CHI3L2: variants seen among roughly 807,000 people sequenced by gnomAD.
CHI3L2 encodes the protein chitinase-3-like protein 2.
Under a neutral mutation model 47.3 loss-of-function variants are expected in CHI3L2, and 47 were observed. The ratio of observed to expected loss-of-function variants is 0.99; its 90% CI spans 0.79 to 1.27. The LOEUF (loss-of-function observed/expected upper bound fraction) is 1.27, where lower values mean the gene tolerates loss of function less well. Among genes scored for constraint, CHI3L2 ranks in the 50% most tolerant of loss-of-function variants. CHI3L2 has a pLI of 0.00. For synonymous variants in CHI3L2, 198 were observed against 169.9 expected (o/e 1.17, Z -1.28); for missense variants, 497 against 462.1 (o/e 1.08, Z -0.69).
intron 2 of CHI3L2, 138 bp downstream of exon 2, chr1:111,230,019 C>CT: frequency 1.1e-6 from 1 of 919,264 alleles, no homozygotes; most frequent in Non-Finnish European, 1.7e-6. Flanking sequence ...ATTTATGACA[C>CT]TGAGTTTTTA....
Position 111,241,354 on chromosome 1 carries a change from A to T in CHI3L2, c.946A>T (p.Ile316Phe), listed in dbSNP as rs371014594. The T allele has an allele frequency of 1.9e-6, 3 of 1,599,622 alleles. No homozygotes were observed. In the African/African-American group the frequency reaches 4.0e-5, roughly 21 times the overall value. ...EICQFLKGAKITRLQDQQVPY... is the reference protein window; with the variant it reads ...EICQFLKGAKFTRLQDQQVPY... Reference sequence around the variant, plus strand: ...CTGCCAGTTCCTGAAAGGAGCCAAGATCACGCGGCTCCAGGATCAGCAGGT... The same window carrying T: ...CTGCCAGTTCCTGAAAGGAGCCAAGTTCACGCGGCTCCAGGATCAGCAGGT... The change falls in exon 9 of 11, where the codon ATC becomes TTC. Residue 316 changes from isoleucine to phenylalanine, a missense_variant. Transcript: ENST00000369748.
At chr1:111,240,296 T>A (rs1307285917) in intron 8 of CHI3L2, among the ~76,000 whole-genome samples, 1 of 152,222 alleles carries the variant, frequency 6.6e-6, no homozygotes, top group Non-Finnish European at 1.5e-5. Flanking sequence ...CACATAGGAA[T>A]GATTGGCACA....
At chr1:111,239,669 A>G (rs1659991250) in intron 8 of CHI3L2, among the ~76,000 whole-genome samples, 1 of 152,204 alleles carries the variant, frequency 6.6e-6, no homozygotes, top group Non-Finnish European at 1.5e-5. Flanking sequence ...AATTCTGTGC[A>G]GTTGTCAGAT....
rs767711643 is a variant in CHI3L2 at position 111,236,146 on chromosome 1, A to G, written c.728A>G (p.Tyr243Cys). ...CAGGACAGAGGGCCAAGCTCCTACT[A>G]CAATGTGGTGAGTAGGCCAGGGGAA... is the stretch of plus-strand genomic sequence containing the variant. ...GWQDRGPSSY[Y>C]NVEYAVGYWI... The change falls in exon 7 of 11, where the codon TAC (tyrosine) becomes TGC (cysteine). Residue 243 changes from tyrosine (Y) to cysteine (C), a missense_variant. Tyr to Cys is a radical substitution (Grantham distance 194). Coordinates refer to ENST00000369748, the MANE Select transcript of CHI3L2 (RefSeq NM_004000.3). The G allele has an allele frequency of 1.2e-5, 20 of 1,613,924 alleles. No individual in the cohort carries two copies. The South Asian group carries it at 2.1e-4, about 17-fold the overall frequency.
At chr1:111,240,570 C>G (rs959822319) in intron 8 of CHI3L2, among the ~76,000 whole-genome samples, 2 of 152,192 alleles carry the variant, frequency 1.3e-5, no homozygotes, top group African/African-American at 4.8e-5. Context: ...CATAATGACT[C>G]TAGGTCATTA....
Position 111,236,014 on chromosome 1 carries a change from G to A in CHI3L2, c.606-10G>A. The A allele has an allele frequency of 6.2e-7, 1 of 1,613,364 alleles. No homozygotes were observed. Among genetic ancestry groups the A allele is most frequent in the South Asian group, 1.1e-5 (1 of 90,900 alleles). The stretch of plus-strand genomic sequence containing the variant: ...TCACAAAATCTCTCCCATTGCTTTT[G>A]GCACTTTAGAGATCTGGATTTCATC... On this transcript the variant is annotated splice_polypyrimidine_tract_variant and intron_variant, in intron 6 of 10. Coordinates refer to ENST00000369748, the MANE Select transcript of CHI3L2 (RefSeq NM_004000.3).
chr1:111,236,120 G>A lies in CHI3L2; in HGVS notation c.702G>A (p.Trp234Ter). 1.2e-6 allele frequency: 2 copies of A among 1,614,196 alleles called. No homozygotes were observed. Among genetic ancestry groups the A allele is most frequent in the Non-Finnish European group, 1.7e-6 (2 of 1,180,032 alleles). Residue 234 changes from tryptophan to a stop codon, truncating the protein, a stop_gained, in exon 7 of 11, where the codon TGG (tryptophan) becomes TGA (stop). Transcript: ENST00000369748. LOFTEE classifies it high-confidence loss of function. ...TGHNSPLSKG[W>*]QDRGPSSYYN... ...ACAACAGCCCTCTGAGCAAGGGGTGGCAGGACAGAGGGCCAAGCTCCTACT... is the reference window on the plus strand; with the variant it reads ...ACAACAGCCCTCTGAGCAAGGGGTGACAGGACAGAGGGCCAAGCTCCTACT...
rs754770583 is a variant in CHI3L2, at chr1:111,243,228, A to G, written c.*14A>G. 7 of 456,080 alleles carry G rather than the reference A, an allele frequency of 1.5e-5. No individual in the cohort carries two copies. The highest frequency in any genetic ancestry group is 1.1e-4 in the South Asian group (7 of 64,554). 28.3% of individuals were successfully genotyped at this position (456,080 alleles called of 1,614,324 possible). A position where few individuals can be genotyped will look rare whatever the true frequency, so the allele number is the denominator to read the frequency against. On this transcript the variant is annotated 3_prime_UTR_variant, in exon 11 of 11. Transcript: ENST00000369748. ...CCTTTTGTTTCCAGGATTAACTTAC[A>G]GAGAAGCAGGCAAGATGACCTTGCT...
chr1:111,232,609 A>G (rs1386652534), intron 4 of CHI3L2, among the ~76,000 whole-genome samples: 1 of 152,234 alleles, frequency 6.6e-6, no homozygotes, highest in Admixed American at 6.5e-5. Context: ...TGTTTAGCAT[A>G]GTGCCCCTGT....
At chr1:111,242,499 C>T in intron 10 of CHI3L2, 133 bp downstream of exon 10, 1 of 962,088 alleles carries the variant, frequency 1.0e-6, no homozygotes, top group Non-Finnish European at 1.5e-6. Context: ...GCCATGTTTT[C>T]TTAGCAATTA....
intron 10 of CHI3L2, chr1:111,242,645 T>C (rs1030131130): frequency 4.1e-6 from 1 of 245,228 alleles, no homozygotes; most frequent in Non-Finnish European, 7.8e-6. Context: ...GGGATAAATA[T>C]TGACACCACC....
intron 8 of CHI3L2, among the ~76,000 whole-genome samples, chr1:111,239,822 C>T (rs1019523214): frequency 6.6e-6 from 1 of 152,086 alleles, no homozygotes. Context: ...TTGGACACTC[C>T]CATATCCCAA....
At chr1:111,235,169 A>G in intron 5 of CHI3L2, 112 bp downstream of exon 5, 1 of 1,123,290 alleles carries the variant, frequency 8.9e-7, no homozygotes, top group Non-Finnish European at 1.3e-6. Context: ...GATTGAGTCT[A>G]ACAGCCCCAG....
At chr1:111,234,254 T>C (rs1251678348) in intron 4 of CHI3L2, among the ~76,000 whole-genome samples, 2 of 151,354 alleles carry the variant, frequency 1.3e-5, no homozygotes, top group African/African-American at 2.4e-5. Context: ...ACAGATTTTA[T>C]TCAGGAAATA....
intron 4 of CHI3L2, among the ~76,000 whole-genome samples, chr1:111,231,866 T>G (rs1659732856): frequency 6.6e-6 from 1 of 152,238 alleles, no homozygotes. Flanking sequence ...ATATTTTCTA[T>G]TCCCATGGAA....
chr1:111,241,234 C>A lies in CHI3L2; in HGVS notation c.919-93C>A, dbSNP rs1660044454. The A allele has an allele frequency of 3.2e-5, 25 of 780,344 alleles. No homozygotes were observed. The South Asian group carries it at 3.4e-4, about 11-fold the overall frequency. The allele number at this position is 780,344 out of a possible 1,614,324, so 48.3% of individuals were successfully genotyped here. A position where few individuals can be genotyped will look rare whatever the true frequency, so the allele number is the denominator to read the frequency against. On this transcript the variant is annotated intron_variant, in intron 8 of 10. Coordinates refer to ENST00000369748, the MANE Select transcript of CHI3L2 (RefSeq NM_004000.3). ...TGGGATAAAGGTTCTGATATTTTCC[C>A]CAAGTCCCTAGTGGCTCACCTGCCC...
intron 4 of CHI3L2, among the ~76,000 whole-genome samples, chr1:111,233,471 C>T (rs1659784774): frequency 6.6e-6 from 1 of 152,220 alleles, no homozygotes; most frequent in Non-Finnish European, 1.5e-5. Context: ...GGACTTGAAT[C>T]TAGTTCTCCT....
chr1:111,237,391 A>C (rs1455134545), intron 7 of CHI3L2, among the ~76,000 whole-genome samples: 4 of 152,204 alleles, frequency 2.6e-5, no homozygotes, highest in African/African-American at 4.8e-5. Context: ...TAATTTTCTC[A>C]GTTACAATCT....
At chr1:111,230,619 C>G in intron 2 of CHI3L2, 123 bp from the exon 3 acceptor site, 1 of 770,560 alleles carries the variant, frequency 1.3e-6, no homozygotes, top group South Asian at 1.7e-5. Flanking sequence ...GGCTGAATGA[C>G]CCTCAGAGGC....
Sources: allele counts gnomAD v4.1 joint callset (sites outside exome capture counted in the v4.1 genomes callset), GRCh38; gene constraint gnomAD v4.1.1; transcripts MANE v1.5; gene names NCBI Gene and HGNC (gene_info 2026-07-23, HGNC 2026-07-21).